Variants in CNNM3 observed in about 807,000 individuals in gnomAD.
CNNM3 encodes the protein cyclin and CBS domain divalent metal cation transport mediator 3.
In CNNM3, 47 loss-of-function variants were observed where a neutral mutation model predicts 57.1. The observed-to-expected ratio is 0.82, with a 90% CI of 0.65 to 1.05. CNNM3 has a LOEUF of 1.05. Among genes scored for constraint, CNNM3 ranks in the 50% least tolerant of loss-of-function variants. CNNM3 has a pLI of 0.00. For missense variants in CNNM3, 957 were observed against 973.7 expected, an observed-to-expected ratio of 0.98 and a Z score of 0.23; for synonymous variants, 507 against 478.2, an observed-to-expected ratio of 1.06 and a Z score of -0.79.
rs375787502 is a variant in CNNM3, at chr2:96,822,503, T to A, written c.1226-2555T>A. Among the ~76,000 whole-genome samples, 12 of 152,016 alleles carry A rather than the reference T, an allele frequency of 7.9e-5. No homozygotes were observed. In the East Asian group the frequency reaches 1.6e-3, roughly 20 times the overall value. On this transcript the variant is annotated intron_variant, in intron 1 of 7. Coordinates refer to ENST00000305510, the MANE Select transcript of CNNM3 (RefSeq NM_017623.5). ...TTTTAATTTTATGTAGAGATTGGGG[T>A]CTCCCTATGTTGCCCAGGCTGGTCT...
rs1163929817 is a variant in CNNM3 at position 96,825,772 on chromosome 2, G to A, written c.1369+571G>A. On this transcript the variant is annotated intron_variant, in intron 2 of 7. Transcript: ENST00000305510. ...AAACATTAGCTGGGCGTGGTGGTGC[G>A]TGCCTGTAGTCTCACATACTCAGGA... is the stretch of plus-strand genomic sequence containing the variant. 1.5e-5 allele frequency among the ~76,000 whole-genome samples: 2 copies of A among 130,056 alleles called. 1 individual carries two copies. Among genetic ancestry groups the A allele is most frequent in the South Asian group, 4.2e-4 (2 of 4,806 alleles). The allele number at this position is 130,056 out of a possible 152,430, so 85.3% of individuals were successfully genotyped here. A position where few individuals can be genotyped will look rare whatever the true frequency, so the allele number is the denominator to read the frequency against.
chr2:96,821,101 A>T (rs916835079), intron 1 of CNNM3, among the ~76,000 whole-genome samples: 1 of 152,004 alleles, frequency 6.6e-6, no homozygotes. Context: ...TTAAATGGGG[A>T]GCTCTTTAAT....
In CNNM3 at chr2:96,820,791, G is replaced by T. The variant is rs547274447; in HGVS notation, c.1225+3289G>T. 2.6e-5 allele frequency among the ~76,000 whole-genome samples: 4 copies of T among 152,334 alleles called. No homozygotes were observed. The South Asian group carries it at 8.3e-4, about 32-fold the overall frequency. Reference sequence around the variant, plus strand: ...GTGTGGCTGCAGAGAGAAGTGACTGGCAGAGGATGTGGGACAGGGGAGGAG... The same window carrying T: ...GTGTGGCTGCAGAGAGAAGTGACTGTCAGAGGATGTGGGACAGGGGAGGAG... On this transcript the variant is annotated intron_variant, in intron 1 of 7. Transcript: ENST00000305510.
Position 96,816,711 on chromosome 2 carries a change from TGGCGCTGGC to T in CNNM3, c.435_443del (p.Ala149_Ala151del), listed in dbSNP as rs2079324313. 5 of 1,012,562 alleles carry T rather than the reference TGGCGCTGGC, an allele frequency of 4.9e-6. No individual in the cohort carries two copies. The highest frequency in any genetic ancestry group is 4.5e-5 in the South Asian group (1 of 22,436). 62.7% of individuals were successfully genotyped at this position (1,012,562 alleles called of 1,614,324 possible). ...CTGGGCCTGGGGGCGGCCGGGCTGC[TGGCGCTGGC>T]AGCGCTGGCGCGAGGCCTGCAGCTG... On this transcript the variant is annotated inframe_deletion, in exon 1 of 8. Transcript: ENST00000305510.
Position 96,833,108 on chromosome 2 carries a change from G to C in CNNM3, c.*492G>C. On this transcript the variant is annotated 3_prime_UTR_variant, in exon 8 of 8. Coordinates refer to ENST00000305510, the MANE Select transcript of CNNM3 (RefSeq NM_017623.5). ...ATTTTGGCTGGGGGTTCAGATCGAT[G>C]GCCTTGTCCATGTTGTCCTTTCTGG... is the stretch of plus-strand genomic sequence containing the variant. 2 of 918,150 alleles carry C rather than the reference G, an allele frequency of 2.2e-6. No individual in the cohort carries two copies. The highest frequency in any genetic ancestry group is 3.0e-6 in the Non-Finnish European group (2 of 658,274). The allele number at this position is 918,150 out of a possible 1,614,324, so 56.9% of individuals were successfully genotyped here. A position where few individuals can be genotyped will look rare whatever the true frequency, so the allele number is the denominator to read the frequency against.
Position 96,817,450 on chromosome 2 carries a change from C to T in CNNM3, c.1173C>T (p.His391=), listed in dbSNP as rs775834165. The T allele has an allele frequency of 1.2e-6, 2 of 1,614,082 alleles. No individual in the cohort carries two copies. The highest frequency in any genetic ancestry group is 1.3e-5 in the African/African-American group (1 of 75,050). The change falls in exon 1 of 8, where the codon CAC becomes CAT. Residue 391 remains histidine, a synonymous_variant. Coordinates refer to ENST00000305510, the MANE Select transcript of CNNM3 (RefSeq NM_017623.5). The part of the protein sequence containing the change: ...TITRFYNHPL[H]FVFNDTKLDA... The stretch of plus-strand genomic sequence containing the variant: ...CTCGTTTCTACAACCATCCGCTCCA[C>T]TTCGTCTTCAACGACACCAAGCTGG...
chr2:96,822,249 C>T (rs1265450254), intron 1 of CNNM3, among the ~76,000 whole-genome samples: 22 of 152,014 alleles, frequency 1.4e-4, no homozygotes, highest in Admixed American at 5.9e-4. Flanking sequence ...ATGATCCGCC[C>T]GTCTCGGCCT....
In CNNM3 at chr2:96,829,034, C is replaced by G. The variant is rs760604647; in HGVS notation, c.1959C>G (p.Thr653=). The change falls in exon 7 of 8, where the codon ACC becomes ACG. Residue 653 remains threonine (T), a synonymous_variant. Transcript: ENST00000305510. ...AGTACCTCAATGCACTCCTGGCTAC[C>G]CGAGCCCAGAACCTGCCACAGTCCC... ...RLQYLNALLA[T]RAQNLPQSPE... The G allele has an allele frequency of 1.2e-6, 2 of 1,613,926 alleles. No homozygotes were observed. The highest frequency in any genetic ancestry group is 4.5e-5 in the East Asian group (2 of 44,878).
chr2:96,816,611 C>G lies in CNNM3; in HGVS notation c.334C>G (p.Pro112Ala), dbSNP rs1279676313. ...RLRLRAEAVR[P>A]HSALLAVRVE... ...GCGCCTGCGGGCCGAGGCCGTGCGCCCGCACTCGGCGCTGCTGGCGGTGCG... is the reference window on the plus strand; with the variant it reads ...GCGCCTGCGGGCCGAGGCCGTGCGCGCGCACTCGGCGCTGCTGGCGGTGCG... Residue 112 changes from proline to alanine, a missense_variant, in exon 1 of 8, where the codon CCG (proline) becomes GCG (alanine). By Grantham distance (27) the Pro-to-Ala change is conservative. Coordinates refer to ENST00000305510, the MANE Select transcript of CNNM3 (RefSeq NM_017623.5). The G allele has an allele frequency of 3.4e-6, 4 of 1,183,736 alleles. No homozygotes were observed. Among genetic ancestry groups the G allele is most frequent in the Non-Finnish European group, 3.1e-6 (3 of 957,444 alleles). 73.3% of individuals were successfully genotyped at this position (1,183,736 alleles called of 1,614,324 possible). A position where few individuals can be genotyped will look rare whatever the true frequency, so the allele number is the denominator to read the frequency against.
chr2:96,825,628 C>T (rs145279149), intron 2 of CNNM3, among the ~76,000 whole-genome samples: 9 of 150,956 alleles, frequency 6.0e-5, no homozygotes, highest in African/African-American at 2.0e-4. Flanking sequence ...CCTGGCTGGG[C>T]GCAGTGGCTC....
chr2:96,832,979 G>A lies in CNNM3; in HGVS notation c.*363G>A, dbSNP rs1379118553. 1 of 1,349,890 alleles carries A rather than the reference G, an allele frequency of 7.4e-7. No individual in the cohort carries two copies. The highest frequency in any genetic ancestry group is 2.2e-5 in the Admixed American group (1 of 45,202). 83.6% of individuals were successfully genotyped at this position (1,349,890 alleles called of 1,614,324 possible). A position where few individuals can be genotyped will look rare whatever the true frequency, so the allele number is the denominator to read the frequency against. On this transcript the variant is annotated 3_prime_UTR_variant, in exon 8 of 8. Coordinates refer to ENST00000305510, the MANE Select transcript of CNNM3 (RefSeq NM_017623.5). ...ACCTCTTTGGGCTGAGCCACCTTGT[G>A]AGTGCAGTTACTGCCTTTGTGTGGC...
chr2:96,832,823 G>A lies in CNNM3; in HGVS notation c.*207G>A. On this transcript the variant is annotated 3_prime_UTR_variant, in exon 8 of 8. Coordinates refer to ENST00000305510, the MANE Select transcript of CNNM3 (RefSeq NM_017623.5). ...GGCCCTGCCCTCCTTTAGGAGACAG[G>A]AGTCACCAGGGCACAGCCCTCCAGG... 1 of 1,514,558 alleles carries A rather than the reference G, an allele frequency of 6.6e-7. No homozygotes were observed. The highest frequency in any genetic ancestry group is 8.8e-7 in the Non-Finnish European group (1 of 1,133,706). 93.8% of individuals were successfully genotyped at this position (1,514,558 alleles called of 1,614,324 possible).
chr2:96,832,637 G>T lies in CNNM3; in HGVS notation c.*21G>T. On this transcript the variant is annotated 3_prime_UTR_variant, in exon 8 of 8. Transcript: ENST00000305510. ...TTTAACGGCTCACTAGGCAGCCCCA[G>T]ATCTGGGGAACAGATGAGCACGTGG... 1 of 1,612,388 alleles carries T rather than the reference G, an allele frequency of 6.2e-7. No homozygotes were observed. Among genetic ancestry groups the T allele is most frequent in the African/African-American group, 1.3e-5 (1 of 75,074 alleles).
intron 1 of CNNM3, among the ~76,000 whole-genome samples, chr2:96,820,098 A>G (rs2079384952): frequency 6.6e-6 from 1 of 152,132 alleles, no homozygotes; most frequent in Admixed American, 6.5e-5. Flanking sequence ...ATTTTTACAG[A>G]TCAGTAACAA....
intron 4 of CNNM3, 89 bp downstream of exon 4, chr2:96,827,989 A>G (rs1451418109): frequency 1.3e-6 from 2 of 1,563,408 alleles, no homozygotes; most frequent in African/African-American, 2.7e-5. Context: ...GCATGCGGAT[A>G]TGCACCCTCC....
At chr2:96,818,543 G>A (rs944527373) in intron 1 of CNNM3, among the ~76,000 whole-genome samples, 5 of 152,092 alleles carry the variant, frequency 3.3e-5, no homozygotes, top group Admixed American at 3.3e-4. Flanking sequence ...GAGCCACCGC[G>A]CCCAGCCTCA....
chr2:96,832,711 C>A lies in CNNM3; in HGVS notation c.*95C>A. On this transcript the variant is annotated 3_prime_UTR_variant, in exon 8 of 8. Coordinates refer to ENST00000305510, the MANE Select transcript of CNNM3 (RefSeq NM_017623.5). ...AGTTTTGTGCCCGCCTGCCCCCATC[C>A]CCTCCAGGCCACGTTTTAGATGGCC... The A allele has an allele frequency of 1.3e-6, 2 of 1,584,300 alleles. No individual in the cohort carries two copies. The highest frequency in any genetic ancestry group is 8.5e-7 in the Non-Finnish European group (1 of 1,169,832).
rs1279521332 is a variant in CNNM3 at position 96,816,522 on chromosome 2, AG to A, written c.250del (p.Ala84ArgfsTer73). On this transcript the variant is annotated frameshift_variant, in exon 1 of 8. Coordinates refer to ENST00000305510, the MANE Select transcript of CNNM3 (RefSeq NM_017623.5). LOFTEE classifies it high-confidence loss of function. ...ANSSWSWVAP[E>X]GAGCREEAAS... is the part of the protein sequence containing the mutation. ...AGCTCTTGGTCCTGGGTGGCCCCGG[AG>A]GGGGCGGGCTGCCGGGAGGAGGCGG... 1.4e-6 allele frequency: 2 copies of A among 1,384,948 alleles called. No homozygotes were observed. Among genetic ancestry groups the A allele is most frequent in the South Asian group, 1.6e-5 (1 of 61,438 alleles). The allele number at this position is 1,384,948 out of a possible 1,614,324, so 85.8% of individuals were successfully genotyped here.
intron 1 of CNNM3, among the ~76,000 whole-genome samples, chr2:96,819,219 T>G (rs1337383695): frequency 2.0e-5 from 3 of 152,024 alleles, no homozygotes; most frequent in Admixed American, 2.0e-4. Flanking sequence ...CTCGCGGTGG[T>G]AAGTACTCCC....
Sources: allele counts gnomAD v4.1 joint callset (sites outside exome capture counted in the v4.1 genomes callset), GRCh38; gene constraint gnomAD v4.1.1; transcripts MANE v1.5; gene names NCBI Gene and HGNC (gene_info 2026-07-23, HGNC 2026-07-21).